C3orf33: variants seen among roughly 807,000 people sequenced by gnomAD.
C3orf33 encodes mitochondrial inner membrane subdomain organizer 1.
C3orf33 carries 23 observed loss-of-function variants against 28.7 expected under a neutral mutation model. That is an observed-to-expected ratio of 0.80 (90% confidence interval 0.58 to 1.13). C3orf33 has a LOEUF of 1.13. Among genes scored for constraint, C3orf33 ranks in the 50% most tolerant of loss-of-function variants. The pLI is 0.00. For synonymous variants in C3orf33, 119 were observed against 120.5 expected (o/e 0.99, Z 0.08); for missense variants, 327 against 353.4 (o/e 0.93, Z 0.60).
intron 2 of C3orf33, among the ~76,000 whole-genome samples, chr3:155,779,538 G>A (rs956564462): frequency 2.0e-5 from 3 of 151,984 alleles, no homozygotes; most frequent in Non-Finnish European, 4.4e-5. Context: ...CATGTGATCC[G>A]CCTGCCTCAG....
chr3:155,775,202 T>C (rs1750703172), intron 3 of C3orf33, among the ~76,000 whole-genome samples: 1 of 152,118 alleles, frequency 6.6e-6, no homozygotes, highest in South Asian at 2.1e-4. Flanking sequence ...TAAAAAGCAG[T>C]GAAGGGGCAG....
At chr3:155,797,972 G>A (rs7650406) in intron 2 of C3orf33, among the ~76,000 whole-genome samples, 50,586 of 151,746 alleles carry the variant, frequency 0.33, 9,780 homozygotes, top group Non-Finnish European at 0.42. Flanking sequence ...TTGGGAGGCT[G>A]AGGCATGAGA....
At chr3:155,778,765 G>A (rs1750829491) in intron 2 of C3orf33, among the ~76,000 whole-genome samples, 2 of 152,158 alleles carry the variant, frequency 1.3e-5, no homozygotes, top group Admixed American at 6.5e-5. Flanking sequence ...ATGGTTTACT[G>A]AAAACACTAA....
At chr3:155,781,779 A>C (rs1003653981) in intron 2 of C3orf33, among the ~76,000 whole-genome samples, 1 of 146,566 alleles carries the variant, frequency 6.8e-6, no homozygotes, top group African/African-American at 2.5e-5. Flanking sequence ...AAAAAAAAAA[A>C]AAAAAAAAAA....
intron 2 of C3orf33, among the ~76,000 whole-genome samples, chr3:155,786,052 A>G (rs528717924): frequency 2.1e-5 from 3 of 145,654 alleles, no homozygotes; most frequent in African/African-American, 8.4e-5. Context: ...GGAAAAAGGA[A>G]AAGGAAAGGA....
chr3:155,787,579 T>A (rs992702676), intron 2 of C3orf33, among the ~76,000 whole-genome samples: 11 of 151,942 alleles, frequency 7.2e-5, no homozygotes, highest in African/African-American at 2.7e-4. Flanking sequence ...CTCAAACTCC[T>A]GAGCTCAGGC....
chr3:155,801,363 G>A (rs1751643607), intron 2 of C3orf33, among the ~76,000 whole-genome samples: 1 of 151,622 alleles, frequency 6.6e-6, no homozygotes, highest in South Asian at 2.1e-4. Flanking sequence ...TCCACTTCTG[G>A]GTATATAACT....
rs1188211034 is a variant in C3orf33 at position 155,763,358 on chromosome 3, CATT to C, written c.*156_*158del. 2.2e-6 allele frequency: 1 copy of C among 463,666 alleles called. No homozygotes were observed. Among genetic ancestry groups the C allele is most frequent in the African/African-American group, 2.0e-5 (1 of 49,382 alleles). 28.7% of individuals were successfully genotyped at this position (463,666 alleles called of 1,614,324 possible). On this transcript the variant is annotated 3_prime_UTR_variant, in exon 5 of 5. Transcript: ENST00000340171. ...TATAATTTGTTTAAATTAATTCTGA[CATT>C]ATGCTTATAATAATCATCTCTTTTT...
chr3:155,774,932 C>G (rs573791337), intron 3 of C3orf33, among the ~76,000 whole-genome samples: 23 of 152,072 alleles, frequency 1.5e-4, no homozygotes, highest in Non-Finnish European at 3.1e-4. Flanking sequence ...CTCAATGAGG[C>G]CTTCTCTGAC....
chr3:155,802,934 TGG>T (rs1751694009), intron 1 of C3orf33, among the ~76,000 whole-genome samples: 1 of 152,084 alleles, frequency 6.6e-6, no homozygotes, highest in Non-Finnish European at 1.5e-5. Flanking sequence ...TATATAGTAT[TGG>T]ATTGTTCTCT....
intron 3 of C3orf33, among the ~76,000 whole-genome samples, chr3:155,771,778 T>C (rs1750600915): frequency 6.6e-6 from 1 of 152,206 alleles, no homozygotes; most frequent in Non-Finnish European, 1.5e-5. Flanking sequence ...TCAATAAATC[T>C]TTTATACAAA....
intron 2 of C3orf33, among the ~76,000 whole-genome samples, chr3:155,782,395 C>T (rs1750954778): frequency 6.6e-6 from 1 of 150,688 alleles, no homozygotes; most frequent in South Asian, 2.1e-4. Flanking sequence ...CAAATATAAA[C>T]ATCCAAAAAG....
intron 2 of C3orf33, among the ~76,000 whole-genome samples, chr3:155,779,309 T>C (rs1447541106): frequency 6.6e-6 from 1 of 152,136 alleles, no homozygotes; most frequent in Non-Finnish European, 1.5e-5. Context: ...TTTTCTTTTT[T>C]TTTGAGACAG....
intron 2 of C3orf33, among the ~76,000 whole-genome samples, chr3:155,785,979 G>A (rs1413073150): frequency 1.3e-5 from 2 of 151,938 alleles, no homozygotes; most frequent in Non-Finnish European, 2.9e-5. Flanking sequence ...AGTCAAGACT[G>A]CAGTGAGCCA....
At chr3:155,788,486 C>T (rs1199515346) in intron 2 of C3orf33, among the ~76,000 whole-genome samples, 2 of 151,792 alleles carry the variant, frequency 1.3e-5, no homozygotes, top group Non-Finnish European at 2.9e-5. Context: ...AGATCGAGAC[C>T]ATCCTGGCCA....
chr3:155,791,170 C>G (rs1321152473), intron 2 of C3orf33, among the ~76,000 whole-genome samples: 1 of 152,148 alleles, frequency 6.6e-6, no homozygotes. Context: ...AGGACGAAGA[C>G]TCCCATTTCA....
chr3:155,777,407 T>C (rs1750783195), intron 2 of C3orf33, among the ~76,000 whole-genome samples: 1 of 152,156 alleles, frequency 6.6e-6, no homozygotes, highest in African/African-American at 2.4e-5. Flanking sequence ...TTAATTTTAT[T>C]AGCTGTGATA....
intron 2 of C3orf33, among the ~76,000 whole-genome samples, chr3:155,801,341 A>G (rs1751643247): frequency 6.6e-6 from 1 of 151,972 alleles, no homozygotes; most frequent in Non-Finnish European, 1.5e-5. Context: ...TAAAAACACA[A>G]TGACCATCTA....
chr3:155,779,737 G>A (rs1004937396), intron 2 of C3orf33, among the ~76,000 whole-genome samples: 3 of 152,158 alleles, frequency 2.0e-5, no homozygotes, highest in Non-Finnish European at 4.4e-5. Flanking sequence ...AAAAGAAGTA[G>A]GATGGCCAAT....
Sources: gnomAD v4.1 joint callset for allele counts (sites outside exome capture counted in the v4.1 genomes callset) on GRCh38, gnomAD v4.1.1 for gene constraint, MANE v1.5 for transcripts, NCBI Gene and HGNC (gene_info 2026-07-23, HGNC 2026-07-21) for gene names.